The following COXFA4 variants were observed in gnomAD, a reference collection of about 807,000 sequenced individuals.
The protein encoded by COXFA4 is cytochrome c oxidase associated subunit FA4.
At chr7:10,939,702 T>C in the COXFA4 span, 1 of 434,968 alleles carries the variant, frequency 2.3e-6, no homozygotes, top group South Asian at 2.1e-5. Context: ...CGCACATCTA[T>C]CCCTCCTGGA....
the COXFA4 span, chr7:10,938,922 C>A: frequency 3.2e-6 from 5 of 1,562,780 alleles, no homozygotes; most frequent in Admixed American, 5.0e-5. Flanking sequence ...AATAGAATAA[C>A]CATCTTCAAA....
At chr7:10,938,871 C>T in the COXFA4 span, 1 of 1,613,548 alleles carries the variant, frequency 6.2e-7, no homozygotes, top group South Asian at 1.1e-5. Context: ...AGCTCCAGTT[C>T]CAATAAATAC....
the COXFA4 span, among the ~76,000 whole-genome samples, chr7:10,936,089 G>C: frequency 6.6e-6 from 1 of 152,150 alleles, no homozygotes; most frequent in Admixed American, 6.5e-5. Context: ...TCTTAGGTGA[G>C]AGATTGTGAA....
At chr7:10,935,674 C>A in the COXFA4 span, among the ~76,000 whole-genome samples, 1 of 152,162 alleles carries the variant, frequency 6.6e-6, no homozygotes, top group Non-Finnish European at 1.5e-5. Context: ...GAGGACACAA[C>A]TGGATTGGGC....
the COXFA4 span, chr7:10,939,410 T>C: frequency 5.6e-6 from 1 of 179,292 alleles, no homozygotes; most frequent in African/African-American, 2.4e-5. Context: ...GCTGCGTATT[T>C]AGGGAACCGG....
At chr7:10,938,711 T>A in the COXFA4 span, 3 of 860,906 alleles carry the variant, frequency 3.5e-6, no homozygotes, top group East Asian at 7.4e-5. Context: ...AAATGTAACA[T>A]TCTTTCTACT....
the COXFA4 span, chr7:10,938,803 C>G: frequency 6.2e-7 from 1 of 1,610,708 alleles, no homozygotes; most frequent in Non-Finnish European, 8.5e-7. Context: ...TTTTTAAGTA[C>G]TTACCAAACA....
the COXFA4 span, among the ~76,000 whole-genome samples, chr7:10,935,379 T>C: frequency 6.6e-6 from 1 of 152,222 alleles, no homozygotes; most frequent in Non-Finnish European, 1.5e-5. Context: ...GAGCTTCAAC[T>C]GTTATTCAGT....
At chr7:10,939,188 C>T in the COXFA4 span, 2 of 324,902 alleles carry the variant, frequency 6.2e-6, no homozygotes, top group South Asian at 6.0e-5. Context: ...GAAAATGTAT[C>T]GAGTCTTCTT....
the COXFA4 span, chr7:10,937,854 T>C: frequency 1.9e-6 from 1 of 526,560 alleles, no homozygotes. Context: ...ACTAAGAAAA[T>C]GGTAAATGAT....
the COXFA4 span, among the ~76,000 whole-genome samples, chr7:10,935,146 C>T: frequency 1.3e-5 from 2 of 152,192 alleles, no homozygotes; most frequent in African/African-American, 4.8e-5. Flanking sequence ...AGGCCCTACA[C>T]CCACGCAGAG....
chr7:10,938,646 CA>C, the COXFA4 span: 19 of 588,124 alleles, frequency 3.2e-5, no homozygotes, highest in Non-Finnish European at 4.3e-5. Flanking sequence ...TTTCATGAAC[CA>C]AAAAAAGTAA....
the COXFA4 span, chr7:10,940,099 C>A: frequency 6.2e-7 from 1 of 1,604,300 alleles, no homozygotes; most frequent in African/African-American, 1.3e-5. Flanking sequence ...GAGAACCGAC[C>A]TAGCCACCAG....
chr7:10,934,333 A>G, the COXFA4 span, among the ~76,000 whole-genome samples: 1 of 151,682 alleles, frequency 6.6e-6, no homozygotes, highest in East Asian at 1.9e-4. Context: ...CTTTATAATC[A>G]ATTAATATTA....
At chr7:10,939,980 C>T in the COXFA4 span, 1 of 1,612,900 alleles carries the variant, frequency 6.2e-7, no homozygotes, top group South Asian at 1.1e-5. Flanking sequence ...GCAAGAAGGA[C>T]AAGGGAAAAC....
At chr7:10,932,893 C>T in the COXFA4 span, 6 of 151,862 alleles carry the variant, frequency 4.0e-5, no homozygotes, top group Admixed American at 3.9e-4. Flanking sequence ...TCACTTAAGC[C>T]CGGGAGGTAG....
the COXFA4 span, chr7:10,933,500 A>C: frequency 1.5e-6 from 1 of 682,980 alleles, no homozygotes; most frequent in Non-Finnish European, 2.6e-6. Flanking sequence ...AATCTCCAAT[A>C]GAGATTACAA....
the COXFA4 span, chr7:10,939,274 C>A: frequency 3.3e-5 from 7 of 214,724 alleles, no homozygotes; most frequent in African/African-American, 1.4e-4. Context: ...AAAACAAATT[C>A]TTTGCAAATT....
chr7:10,933,746 C>A, the COXFA4 span: 26 of 1,311,602 alleles, frequency 2.0e-5, no homozygotes, highest in East Asian at 2.3e-4. Context: ...AGAGACGGTA[C>A]AAAGGTTTTA....
Sources: gnomAD v4.1 joint callset for allele counts (sites outside exome capture counted in the v4.1 genomes callset) on GRCh38, gnomAD v4.1.1 for gene constraint, MANE v1.5 for transcripts, NCBI Gene and HGNC (gene_info 2026-07-23, HGNC 2026-07-21) for gene names.